Variants in DYRK4 observed in about 807,000 individuals in gnomAD.
The protein encoded by DYRK4 is dual specificity tyrosine phosphorylation regulated kinase 4.
Under a neutral mutation model 68.3 loss-of-function variants are expected in DYRK4, and 64 were observed. The ratio of observed to expected loss-of-function variants is 0.94; its 90% CI spans 0.77 to 1.15. The LOEUF is 1.15. DYRK4 is among the 50% of genes most tolerant of loss of function. DYRK4 has a pLI of 0.00. For missense variants in DYRK4, 740 were observed against 764.7 expected (o/e 0.97, Z 0.38); for synonymous variants, 274 against 289.9 (o/e 0.95, Z 0.56).
intron 1 of DYRK4, among the ~76,000 whole-genome samples, chr12:4,566,544 T>TG (rs1944679209): frequency 6.6e-6 from 1 of 152,218 alleles, no homozygotes; most frequent in Admixed American, 6.5e-5. Context: ...AAACATGCTC[T>TG]GGGAGCTGGT....
At chr12:4,597,982 C>T (rs1314068018) in intron 8 of DYRK4, among the ~76,000 whole-genome samples, 1 of 152,180 alleles carries the variant, frequency 6.6e-6, no homozygotes, top group Non-Finnish European at 1.5e-5. Context: ...AGGAGAATCA[C>T]TTAAATGTGG....
intron 6 of DYRK4, among the ~76,000 whole-genome samples, chr12:4,593,636 T>C (rs927405266): frequency 6.6e-6 from 1 of 152,194 alleles, no homozygotes; most frequent in Non-Finnish European, 1.5e-5. Context: ...TTTCATTCTG[T>C]TTTTTAAAAA....
At chr12:4,609,427 G>T (rs1165140402) in intron 12 of DYRK4, among the ~76,000 whole-genome samples, 5 of 152,220 alleles carry the variant, frequency 3.3e-5, no homozygotes, top group African/African-American at 1.2e-4. Context: ...GGGAAACACG[G>T]TTGTCCACTT....
chr12:4,565,866 T>C (rs551763975), intron 1 of DYRK4, among the ~76,000 whole-genome samples: 1 of 152,028 alleles, frequency 6.6e-6, no homozygotes, highest in African/African-American at 2.4e-5. Flanking sequence ...TGACCTCAGA[T>C]GATCCACCCG....
chr12:4,574,007 CA>C (rs1362112037), intron 2 of DYRK4, among the ~76,000 whole-genome samples: 2 of 152,056 alleles, frequency 1.3e-5, no homozygotes, highest in Non-Finnish European at 2.9e-5. Flanking sequence ...GGGTGGATCA[CA>C]AGGTCAGGAG....
At chr12:4,576,389 A>T (rs1188487637) in intron 2 of DYRK4, among the ~76,000 whole-genome samples, 1 of 152,182 alleles carries the variant, frequency 6.6e-6, no homozygotes, top group Non-Finnish European at 1.5e-5. Context: ...GTATGGGTGT[A>T]CCAGTTTGCT....
chr12:4,571,394 A>G (rs1159407620), intron 2 of DYRK4, among the ~76,000 whole-genome samples: 6 of 152,130 alleles, frequency 3.9e-5, no homozygotes, highest in Non-Finnish European at 2.9e-5. Context: ...CTAATTACAC[A>G]TCTGTTTGTT....
intron 2 of DYRK4, among the ~76,000 whole-genome samples, chr12:4,570,350 C>G (rs1163515046): frequency 6.6e-6 from 1 of 152,140 alleles, no homozygotes; most frequent in Non-Finnish European, 1.5e-5. Flanking sequence ...ACTCTTGAAA[C>G]TTAAAACTAC....
At chr12:4,575,348 G>A (rs1379992965) in intron 2 of DYRK4, among the ~76,000 whole-genome samples, 1 of 98,310 alleles carries the variant, frequency 1.0e-5, no homozygotes, top group Non-Finnish European at 2.2e-5. Context: ...TCGCTCTATT[G>A]CCCAGGCTGG....
Position 4,597,922 on chromosome 12 carries a change from C to T in DYRK4, c.906-1106C>T, listed in dbSNP as rs189313898. 6.0e-3 allele frequency among the ~76,000 whole-genome samples: 917 copies of T among 152,060 alleles called. 4 individuals are homozygous for T. Among genetic ancestry groups the T allele is most frequent in the African/African-American group, 0.021 (857 of 41,482 alleles). Reference sequence around the variant, plus strand: ...AAACCCCATCTCTACTAAAAATAGCCGGGCGTGGTGGTGCGTGCCTGTAAT... The same window carrying T: ...AAACCCCATCTCTACTAAAAATAGCTGGGCGTGGTGGTGCGTGCCTGTAAT... On this transcript the variant is annotated intron_variant, in intron 8 of 14. Transcript: ENST00000543431.
chr12:4,568,102 G>GTCCCTA, intron 2 of DYRK4, 54 bp downstream of exon 2: 1 of 1,452,744 alleles, frequency 6.9e-7, no homozygotes, highest in Non-Finnish European at 9.3e-7. Flanking sequence ...CGAGGTCCTA[G>GTCCCTA]GGACTCAGGA....
At position 4,607,232 on chromosome 12, in the gene DYRK4, G is replaced by A. The variant is rs1006161154; in HGVS notation, c.1300-95G>A. On this transcript the variant is annotated intron_variant, in intron 11 of 14. Coordinates refer to ENST00000543431, the MANE Select transcript of DYRK4 (RefSeq NM_001394779.1). The stretch of plus-strand genomic sequence containing the variant: ...TACTTAATGCTTTGAATCCTTATCT[G>A]TAGAAGGCAAAGCTTGGCCAAAGTA... The A allele has an allele frequency of 5.7e-6, 8 of 1,408,826 alleles. No individual in the cohort carries two copies. In the African/African-American group the frequency reaches 5.7e-5, roughly 10 times the overall value. 87.3% of individuals were successfully genotyped at this position (1,408,826 alleles called of 1,614,324 possible).
chr12:4,597,576 A>G (rs1456249374), intron 8 of DYRK4, among the ~76,000 whole-genome samples: 2 of 152,246 alleles, frequency 1.3e-5, no homozygotes, highest in East Asian at 3.8e-4. Context: ...TTTCTTGGCC[A>G]TGAATCACAG....
chr12:4,572,658 G>T (rs1381655841), intron 2 of DYRK4, among the ~76,000 whole-genome samples: 1 of 152,148 alleles, frequency 6.6e-6, no homozygotes, highest in Non-Finnish European at 1.5e-5. Context: ...TCATCACCAG[G>T]TGTGAGACCT....
In DYRK4 at chr12:4,604,943, C is replaced by T. The variant is rs752961920; in HGVS notation, c.1156C>T (p.Arg386Ter). The change falls in exon 11 of 15, where the codon CGA becomes TGA. Residue 386 changes from arginine to a stop codon, truncating the protein, a stop_gained. Coordinates refer to ENST00000543431, the MANE Select transcript of DYRK4 (RefSeq NM_001394779.1). LOFTEE classifies it high-confidence loss of function. Reference protein sequence around the residue: ...VYTYIQSRFYRSPEVILGHPY... With the variant: ...VYTYIQSRFY ...CACGTACATCCAAAGCCGGTTCTAC[C>T]GATCCCCAGAAGTGATCCTGGGCCA... The T allele has an allele frequency of 9.9e-6, 16 of 1,611,120 alleles. No homozygotes were observed. Among genetic ancestry groups the T allele is most frequent in the Admixed American group, 1.7e-5 (1 of 59,564 alleles).
intron 5 of DYRK4, 48 bp from the exon 6 acceptor site, chr12:4,592,954 T>C: frequency 6.3e-7 from 1 of 1,587,928 alleles, no homozygotes; most frequent in East Asian, 2.3e-5. Flanking sequence ...CCGGGGCAAA[T>C]CCCATGCTGC....
chr12:4,589,384 A>G (rs972400042), intron 3 of DYRK4, among the ~76,000 whole-genome samples: 4 of 152,144 alleles, frequency 2.6e-5, no homozygotes, highest in African/African-American at 9.7e-5. Flanking sequence ...TTAAATTACT[A>G]TTGATTATAG....
At chr12:4,590,305 A>G in intron 3 of DYRK4, 25 bp from the exon 4 acceptor site, 1 of 1,524,826 alleles carries the variant, frequency 6.6e-7, no homozygotes, top group Non-Finnish European at 8.8e-7. Flanking sequence ...GGCTTTTGTA[A>G]CACATGCAAT....
intron 1 of DYRK4, among the ~76,000 whole-genome samples, chr12:4,565,123 T>C (rs1174829127): frequency 6.6e-6 from 1 of 152,198 alleles, no homozygotes; most frequent in Non-Finnish European, 1.5e-5. Flanking sequence ...TGTAACAAGA[T>C]ACAAACGAAA....
Sources: allele counts gnomAD v4.1 joint callset (sites outside exome capture counted in the v4.1 genomes callset), GRCh38; gene constraint gnomAD v4.1.1; transcripts MANE v1.5; gene names NCBI Gene and HGNC (gene_info 2026-07-23, HGNC 2026-07-21).